Variants in SLC6A19 observed in about 807,000 individuals in gnomAD.
SLC6A19 encodes the protein solute carrier family 6 member 19, also known as sodium-dependent neutral amino acid transporter B(0)AT1.
In SLC6A19, 67 loss-of-function variants were observed where a neutral mutation model predicts 68.3. The observed-to-expected ratio is 0.98, with a 90% CI of 0.81 to 1.20. SLC6A19 has a LOEUF of 1.20. Among genes scored for constraint, SLC6A19 ranks in the 50% most tolerant of loss-of-function variants. SLC6A19 has a pLI of 0.00. For missense variants in SLC6A19, 813 were observed against 851.6 expected (o/e 0.95, Z 0.56); for synonymous variants, 392 against 374.9 (o/e 1.05, Z -0.53).
chr5:1,218,000 T>A (rs1239426027), intron 8 of SLC6A19, among the ~76,000 whole-genome samples: 1 of 123,648 alleles, frequency 8.1e-6, no homozygotes, highest in African/African-American at 3.1e-5. Context: ...GGCGCCTCCA[T>A]CCTGGCGCCT....
At chr5:1,218,582 T>C (rs1746269823) in intron 8 of SLC6A19, among the ~76,000 whole-genome samples, 1 of 152,198 alleles carries the variant, frequency 6.6e-6, no homozygotes, top group South Asian at 2.1e-4. Context: ...CGTAACACCT[T>C]GGGTACGTGG....
rs1383522486 is a variant in SLC6A19, at chr5:1,221,301, G to T, written c.1689G>T (p.Trp563Cys). Residue 563 changes from tryptophan to cysteine, a missense_variant, in exon 11 of 12, where the codon TGG becomes TGT. Trp to Cys is a radical substitution (Grantham distance 215). Transcript: ENST00000304460. Reference sequence around the variant, plus strand: ...GTCAGGAGCTGACCTACAGCATCTGGGACCCTGGCTACGTAAGTGTCCAGG... The same window carrying T: ...GTCAGGAGCTGACCTACAGCATCTGTGACCCTGGCTACGTAAGTGTCCAGG... Reference protein sequence around the residue: ...EVSQELTYSIWDPGYEEFPKS... With the variant: ...EVSQELTYSICDPGYEEFPKS... The T allele has an allele frequency of 1.2e-6, 2 of 1,613,652 alleles. No individual in the cohort carries two copies. The highest frequency in any genetic ancestry group is 2.2e-5 in the South Asian group (2 of 91,088).
Position 1,213,476 on chromosome 5 carries a change from C to G in SLC6A19, c.677C>G (p.Thr226Ser), listed in dbSNP as rs1746110411. 6.3e-7 allele frequency: 1 copy of G among 1,591,466 alleles called. No individual in the cohort carries two copies. The highest frequency in any genetic ancestry group is 1.4e-5 in the African/African-American group (1 of 71,010). ...IETTGKAVYI[T>S]STLPYVVLTI... The stretch of plus-strand genomic sequence containing the variant: ...CGCCCTCCGCAGGCCGTGTACATCA[C>G]CTCCACGCTGCCCTATGTCGTCCTG... Residue 226 changes from threonine (T) to serine (S), a missense_variant, in exon 5 of 12, where the codon ACC (threonine) becomes AGC (serine). Transcript: ENST00000304460.
intron 1 of SLC6A19, among the ~76,000 whole-genome samples, chr5:1,206,239 T>TTC (rs543532535): frequency 2.0e-5 from 3 of 151,462 alleles, no homozygotes; most frequent in Non-Finnish European, 4.4e-5. Context: ...CCCTCCCTCC[T>TTC]TCTCTCTCTC....
At position 1,214,540 on chromosome 5, in the gene SLC6A19, C is replaced by T. The variant is rs762122143; in HGVS notation, c.887+475C>T. Among the ~76,000 whole-genome samples, 41 of 152,146 alleles carry T rather than the reference C, an allele frequency of 2.7e-4. No homozygotes were observed. Among genetic ancestry groups the T allele is most frequent in the Non-Finnish European group, 5.1e-4 (35 of 68,032 alleles). On this transcript the variant is annotated intron_variant, in intron 6 of 11. Transcript: ENST00000304460. This position sits in a 1 kb window ranked among gnomAD's most constrained non-coding sequence, Gnocchi z 7.4. ...ATGCATACCCTGGAGTCCCCAGCAG[C>T]GTCTGGGAGGAGCACAGCTGGTGTC...
rs1307869765 is a variant in SLC6A19 at position 1,219,122 on chromosome 5, G to A, written c.1378+15G>A. 19 of 1,602,802 alleles carry A rather than the reference G, an allele frequency of 1.2e-5. No homozygotes were observed. Among genetic ancestry groups the A allele is most frequent in the Middle Eastern group, 1.6e-4 (1 of 6,064 alleles). ...GGTGCTCACAGGTACGTGTGCAGTC[G>A]GGAGGGGTCCCCATGGCAATGGTGC... On this transcript the variant is annotated intron_variant, in intron 9 of 11. Coordinates refer to ENST00000304460, the MANE Select transcript of SLC6A19 (RefSeq NM_001003841.3).
At chr5:1,207,247 G>A (rs1010461521) in intron 1 of SLC6A19, among the ~76,000 whole-genome samples, 1 of 152,194 alleles carries the variant, frequency 6.6e-6, no homozygotes, top group South Asian at 2.1e-4. Context: ...GTCCCTCCTC[G>A]CCCTCTGCCG....
Position 1,223,813 on chromosome 5 carries a change from T to C in SLC6A19, c.*1909T>C, listed in dbSNP as rs1746469043. 1.3e-5 allele frequency: 2 copies of C among 152,296 alleles called. No homozygotes were observed. Among genetic ancestry groups the C allele is most frequent in the South Asian group, 4.1e-4 (2 of 4,832 alleles). The allele number at this position is 152,296 out of a possible 1,614,324, so 9.4% of individuals were successfully genotyped here. Reference sequence around the variant, plus strand: ...GAAAGCCTGGTGTGTGCCAGTATGATGTTCCACCCACAGAAACCTGGTCAC... The same window carrying C: ...GAAAGCCTGGTGTGTGCCAGTATGACGTTCCACCCACAGAAACCTGGTCAC... On this transcript the variant is annotated 3_prime_UTR_variant, in exon 12 of 12. Transcript: ENST00000304460.
At chr5:1,202,232 C>T (rs377605057) in intron 1 of SLC6A19, among the ~76,000 whole-genome samples, 2 of 152,198 alleles carry the variant, frequency 1.3e-5, no homozygotes, top group East Asian at 1.9e-4. Flanking sequence ...CTCGTCCCAG[C>T]CCCACAGGCG....
In SLC6A19 at chr5:1,215,424, C is replaced by T. The variant is rs1473298775; in HGVS notation, c.888-1134C>T. On this transcript the variant is annotated intron_variant, in intron 6 of 11. Transcript: ENST00000304460. This position sits in a 1 kb window ranked among gnomAD's most constrained non-coding sequence, Gnocchi z 5.1. The stretch of plus-strand genomic sequence containing the variant: ...CGCTCCCCAGTGCCCTGTCCTCCTG[C>T]CCCGGGTGAGCACTGATGCGCTCTC... Among the ~76,000 whole-genome samples, 1 of 152,218 alleles carries T rather than the reference C, an allele frequency of 6.6e-6. No individual in the cohort carries two copies. The highest frequency in any genetic ancestry group is 1.5e-5 in the Non-Finnish European group (1 of 68,038).
rs1462653168 is a variant in SLC6A19 at position 1,209,552 on chromosome 5, T to A, written c.343+666T>A. On this transcript the variant is annotated intron_variant, in intron 2 of 11. Transcript: ENST00000304460. This position sits in a 1 kb window ranked among gnomAD's most constrained non-coding sequence, Gnocchi z 5.5. ...CAGGCCCAGGGCAGAGCCCACACCC[T>A]CTCGCTGAGTATCCAAGACCTCCCT... Among the ~76,000 whole-genome samples, 1 of 151,996 alleles carries A rather than the reference T, an allele frequency of 6.6e-6. No individual in the cohort carries two copies. Among genetic ancestry groups the A allele is most frequent in the Non-Finnish European group, 1.5e-5 (1 of 68,000 alleles).
intron 3 of SLC6A19, among the ~76,000 whole-genome samples, chr5:1,211,747 C>T (rs918147268): frequency 3.4e-5 from 5 of 148,376 alleles, no homozygotes; most frequent in Admixed American, 1.3e-4. Flanking sequence ...AGTACAGTCA[C>T]GCTTGTGTGC....
At chr5:1,218,167 G>A (rs1412594642) in intron 8 of SLC6A19, among the ~76,000 whole-genome samples, 2 of 152,232 alleles carry the variant, frequency 1.3e-5, no homozygotes, top group Non-Finnish European at 2.9e-5. Context: ...ACGTCCTGCT[G>A]TGCAAGGGGT....
chr5:1,209,034 C>A lies in SLC6A19; in HGVS notation c.343+148C>A. On this transcript the variant is annotated intron_variant, in intron 2 of 11. Coordinates refer to ENST00000304460, the MANE Select transcript of SLC6A19 (RefSeq NM_001003841.3). This position sits in a 1 kb window ranked among gnomAD's most constrained non-coding sequence, Gnocchi z 5.5. Reference sequence around the variant, plus strand: ...TCTGGTGCAACAAAGGTCCCAGCTTCATCTCCTGGAGGCCTTTGGAAACTC... The same window carrying A: ...TCTGGTGCAACAAAGGTCCCAGCTTAATCTCCTGGAGGCCTTTGGAAACTC... 1 of 1,155,020 alleles carries A rather than the reference C, an allele frequency of 8.7e-7. No individual in the cohort carries two copies. Among genetic ancestry groups the A allele is most frequent in the Non-Finnish European group, 1.2e-6 (1 of 852,446 alleles). The allele number at this position is 1,155,020 out of a possible 1,614,324, so 71.5% of individuals were successfully genotyped here. A position where few individuals can be genotyped will look rare whatever the true frequency, so the allele number is the denominator to read the frequency against.
At position 1,222,666 on chromosome 5, in the gene SLC6A19, T is replaced by G. The variant is rs942655402; in HGVS notation, c.*762T>G. 2.5e-5 allele frequency: 5 copies of G among 198,642 alleles called. No individual in the cohort carries two copies. Among genetic ancestry groups the G allele is most frequent in the Admixed American group, 6.0e-5 (1 of 16,750 alleles). The allele number at this position is 198,642 out of a possible 1,614,324, so 12.3% of individuals were successfully genotyped here. A position where few individuals can be genotyped will look rare whatever the true frequency, so the allele number is the denominator to read the frequency against. ...GCCAGTGTGTATGTATGTGCGCATATGGACACGCATGGACACGCATATGGA... is the reference window on the plus strand; with the variant it reads ...GCCAGTGTGTATGTATGTGCGCATAGGGACACGCATGGACACGCATATGGA... On this transcript the variant is annotated 3_prime_UTR_variant, in exon 12 of 12. Coordinates refer to ENST00000304460, the MANE Select transcript of SLC6A19 (RefSeq NM_001003841.3).
intron 3 of SLC6A19, 33 bp downstream of exon 3, chr5:1,210,614 C>T (rs780003188): frequency 6.2e-7 from 1 of 1,610,196 alleles, no homozygotes; most frequent in Non-Finnish European, 8.5e-7. Flanking sequence ...ATCCGTCTCA[C>T]CTGTGAGGCT....
chr5:1,210,437 C>T lies in SLC6A19; in HGVS notation c.344-7C>T. 6.2e-7 allele frequency: 1 copy of T among 1,612,830 alleles called. No individual in the cohort carries two copies. The highest frequency in any genetic ancestry group is 8.5e-7 in the Non-Finnish European group (1 of 1,179,992). Reference sequence around the variant, plus strand: ...GGCCCCAAGCCTCAGCAGCAGCCTCCCTGCAGGCCTGGCCTCCATGCTCAC... The same window carrying T: ...GGCCCCAAGCCTCAGCAGCAGCCTCTCTGCAGGCCTGGCCTCCATGCTCAC... On this transcript the variant is annotated splice_polypyrimidine_tract_variant and splice_region_variant and intron_variant, in intron 2 of 11. Transcript: ENST00000304460.
At chr5:1,207,345 C>T (rs777061629) in intron 1 of SLC6A19, among the ~76,000 whole-genome samples, 1 of 152,182 alleles carries the variant, frequency 6.6e-6, no homozygotes, top group Non-Finnish European at 1.5e-5. Flanking sequence ...GCTGGGAGGC[C>T]GTACGTCCAC....
intron 1 of SLC6A19, among the ~76,000 whole-genome samples, chr5:1,206,985 C>A (rs58068542): frequency 3.7e-4 from 56 of 152,308 alleles, no homozygotes; most frequent in African/African-American, 1.1e-3. Context: ...GCTGTGCTCA[C>A]CCCGGCTGCA....
Sources: allele counts gnomAD v4.1 joint callset (sites outside exome capture counted in the v4.1 genomes callset), GRCh38; gene constraint gnomAD v4.1.1; non-coding constraint Gnocchi (gnomAD v3.1); transcripts MANE v1.5; gene names NCBI Gene and HGNC (gene_info 2026-07-23, HGNC 2026-07-21).